GALNT9: variants seen among roughly 807,000 people sequenced by gnomAD.
GALNT9 encodes the protein polypeptide N-acetylgalactosaminyltransferase 9, also known as GalNAc transferase 9.
Under a neutral mutation model 63.1 loss-of-function variants are expected in GALNT9, and 47 were observed. That is an observed-to-expected ratio of 0.75 (90% CI 0.59 to 0.95). GALNT9 has a LOEUF of 0.95. Ranked by LOEUF, GALNT9 falls within the 40% of genes least tolerant of loss-of-function variation. The probability of loss-of-function intolerance (pLI) is 0.00; values close to 1 mark genes in which losing one functional copy is unlikely to be tolerated. For missense variants in GALNT9, 829 were observed against 874.8 expected (o/e 0.95, Z 0.66); for synonymous variants, 396 against 365.7 (o/e 1.08, Z -0.94).
At chr12:132,276,765 A>G (rs971515629) in intron 2 of GALNT9, among the ~76,000 whole-genome samples, 4 of 152,206 alleles carry the variant, frequency 2.6e-5, no homozygotes, top group African/African-American at 9.7e-5. Flanking sequence ...GCTTTGTGGC[A>G]TAATTAAAGC....
At chr12:132,328,623 A>G (rs1009659958) in intron 1 of GALNT9, among the ~76,000 whole-genome samples, 19 of 152,138 alleles carry the variant, frequency 1.2e-4, no homozygotes, top group Non-Finnish European at 2.2e-4. Context: ...GCGCCAAGCC[A>G]GCCCCCCACC....
intron 1 of GALNT9, among the ~76,000 whole-genome samples, chr12:132,298,653 TCCCATAACTAACCCA>T (rs1881166093): frequency 1.5e-5 from 2 of 132,320 alleles, no homozygotes; most frequent in African/African-American, 2.9e-5. Flanking sequence ...GATAACTCAC[TCCCATAACTAACCCA>T]CTCCCACCAC....
At position 132,238,778 on chromosome 12, in the gene GALNT9, G is replaced by A. The variant is rs1358751531; in HGVS notation, c.1077+9132C>T. The stretch of plus-strand genomic sequence containing the variant: ...CCGCCCCCTCATCTGCAGGCCACCC[G>A]CCCAGGGACGTGCTACCATTTACCT... On this transcript the variant is annotated intron_variant, in intron 6 of 10. Transcript: ENST00000328957. This position sits in a 1 kb window ranked among gnomAD's most constrained non-coding sequence, Gnocchi z 6.5. Among the ~76,000 whole-genome samples the A allele has an allele frequency of 1.3e-5, 2 of 152,162 alleles. No homozygotes were observed. Among genetic ancestry groups the A allele is most frequent in the African/African-American group, 2.4e-5 (1 of 41,428 alleles).
chr12:132,241,566 C>T (rs2136901712), intron 6 of GALNT9, among the ~76,000 whole-genome samples: 1 of 105,076 alleles, frequency 9.5e-6, no homozygotes, highest in Non-Finnish European at 2.0e-5. Context: ...ATTACACACA[C>T]ACCACACCCC....
At position 132,218,560 on chromosome 12, in the gene GALNT9, G is replaced by A. The variant is rs532334189; in HGVS notation, c.1078-14870C>T. 4.6e-5 allele frequency among the ~76,000 whole-genome samples: 7 copies of A among 152,338 alleles called. No individual in the cohort carries two copies. In the East Asian group the frequency reaches 5.8e-4, roughly 13 times the overall value. The stretch of plus-strand genomic sequence containing the variant: ...TGCCCCTGGAGCCCAGGTCGGTTTC[G>A]GGAAATGATAATTCCTCTGGTACGG... On this transcript the variant is annotated intron_variant, in intron 6 of 10. Coordinates refer to ENST00000328957, the MANE Select transcript of GALNT9 (RefSeq NM_001122636.2).
In GALNT9 at chr12:132,245,597, C is replaced by A. The variant is rs1164329409; in HGVS notation, c.1077+2313G>T. On this transcript the variant is annotated intron_variant, in intron 6 of 10. Coordinates refer to ENST00000328957, the MANE Select transcript of GALNT9 (RefSeq NM_001122636.2). This position sits in a 1 kb window ranked among gnomAD's most constrained non-coding sequence, Gnocchi z 6.3. ...CGTGGTCCGGCACCCACACCCCCAGCCCAGCCTGCTGACCCTCGCCCAGCC... is the reference window on the plus strand; with the variant it reads ...CGTGGTCCGGCACCCACACCCCCAGACCAGCCTGCTGACCCTCGCCCAGCC... 3.3e-5 allele frequency among the ~76,000 whole-genome samples: 5 copies of A among 151,630 alleles called. No homozygotes were observed. Among genetic ancestry groups the A allele is most frequent in the African/African-American group, 1.2e-4 (5 of 41,166 alleles).
intron 6 of GALNT9, among the ~76,000 whole-genome samples, chr12:132,216,055 G>C (rs1877174458): frequency 6.6e-6 from 1 of 152,128 alleles, no homozygotes; most frequent in African/African-American, 2.4e-5. Flanking sequence ...TCTAATGATA[G>C]ACAGAGACAT....
intron 1 of GALNT9, among the ~76,000 whole-genome samples, chr12:132,318,039 G>A (rs1566023636): frequency 6.6e-6 from 1 of 152,256 alleles, no homozygotes; most frequent in East Asian, 1.9e-4. Flanking sequence ...TCAGGAGTTC[G>A]AGACCAGCCT....
Position 132,316,050 on chromosome 12 carries a change from C to T in GALNT9, c.238+12916G>A, listed in dbSNP as rs782608303. Among the ~76,000 whole-genome samples, 4 of 152,194 alleles carry T rather than the reference C, an allele frequency of 2.6e-5. No homozygotes were observed. Among genetic ancestry groups the T allele is most frequent in the Non-Finnish European group, 5.9e-5 (4 of 68,034 alleles). ...CCCGAAACGGCCGCCCACCCCCTCA[C>T]GCCTGCAGGTCTTGGGTTCCGTCAT... is the stretch of plus-strand genomic sequence containing the variant. On this transcript the variant is annotated intron_variant, in intron 1 of 10. Transcript: ENST00000328957. The surrounding 1 kb of genome is among the most constrained non-coding windows in gnomAD (Gnocchi z 4.3).
At chr12:132,288,530 C>G (rs1223393874) in intron 1 of GALNT9, among the ~76,000 whole-genome samples, 1 of 152,270 alleles carries the variant, frequency 6.6e-6, no homozygotes, top group African/African-American at 2.4e-5. Context: ...GAGAGAGAGA[C>G]ACCTCATCAT....
rs1789411938 is a variant in GALNT9 at position 132,245,294 on chromosome 12, T to C, written c.1077+2616A>G. 6.6e-6 allele frequency among the ~76,000 whole-genome samples: 1 copy of C among 152,014 alleles called. No homozygotes were observed. Among genetic ancestry groups the C allele is most frequent in the South Asian group, 2.1e-4 (1 of 4,822 alleles). On this transcript the variant is annotated intron_variant, in intron 6 of 10. Transcript: ENST00000328957. The surrounding 1 kb of genome is among the most constrained non-coding windows in gnomAD (Gnocchi z 6.3). Reference sequence around the variant, plus strand: ...TCGTCTCTACTAAAAGTACAAAAATTAGCCGGGCATGGTGGCATGTGCCTG... The same window carrying C: ...TCGTCTCTACTAAAAGTACAAAAATCAGCCGGGCATGGTGGCATGTGCCTG...
intron 5 of GALNT9, among the ~76,000 whole-genome samples, chr12:132,255,595 C>A (rs1555238970): frequency 6.6e-6 from 1 of 152,230 alleles, no homozygotes; most frequent in African/African-American, 2.4e-5. Context: ...CCTTTCTATT[C>A]ATACCAGGTC....
intron 2 of GALNT9, among the ~76,000 whole-genome samples, chr12:132,281,284 G>A (rs1004410844): frequency 2.6e-5 from 4 of 152,214 alleles, no homozygotes; most frequent in African/African-American, 7.2e-5. Context: ...GCAGGCACCG[G>A]GGAAGCTCCA....
chr12:132,240,645 G>C (rs2136899047), intron 6 of GALNT9: 9 of 448,970 alleles, frequency 2.0e-5, no homozygotes, highest in African/African-American at 1.2e-4. Flanking sequence ...CCTCGGACCT[G>C]CTCCTCTTCA....
Position 132,282,455 on chromosome 12 carries a change from A to G in GALNT9, c.419+3795T>C, listed in dbSNP as rs1246838939. Among the ~76,000 whole-genome samples the G allele has an allele frequency of 6.6e-6, 1 of 152,126 alleles. No homozygotes were observed. The highest frequency in any genetic ancestry group is 1.9e-4 in the East Asian group (1 of 5,194). On this transcript the variant is annotated intron_variant, in intron 2 of 10. Transcript: ENST00000328957. This position sits in a 1 kb window ranked among gnomAD's most constrained non-coding sequence, Gnocchi z 4.5. ...CGTGCATGCGTGTGTGTGCGTGTGC[A>G]TGTGTGTGTGCACGCATGTGGTAAT...
At chr12:132,254,162 C>T (rs1342336301) in intron 5 of GALNT9, among the ~76,000 whole-genome samples, 5 of 151,918 alleles carry the variant, frequency 3.3e-5, no homozygotes, top group African/African-American at 9.7e-5. Context: ...GTTGGGATTA[C>T]AGGCACCTGA....
chr12:132,284,685 C>T (rs1555242002), intron 2 of GALNT9: 3 of 152,410 alleles, frequency 2.0e-5, no homozygotes, highest in South Asian at 2.1e-4. Flanking sequence ...GGGAAACCCC[C>T]TCCAGGAGGA....
rs1412376631 is a variant in GALNT9, at chr12:132,236,486, T to G, written c.1077+11424A>C. Among the ~76,000 whole-genome samples, 5 of 151,540 alleles carry G rather than the reference T, an allele frequency of 3.3e-5. No individual in the cohort carries two copies. In the East Asian group the frequency reaches 9.8e-4, roughly 30 times the overall value. On this transcript the variant is annotated intron_variant, in intron 6 of 10. Transcript: ENST00000328957. This position sits in a 1 kb window ranked among gnomAD's most constrained non-coding sequence, Gnocchi z 5.6. Reference sequence around the variant, plus strand: ...CTGCCAGGGAGTCAGCTCTGCAAAATCATCACAGACGTGGGGGGATGGCGT... The same window carrying G: ...CTGCCAGGGAGTCAGCTCTGCAAAAGCATCACAGACGTGGGGGGATGGCGT...
At chr12:132,285,847 C>T (rs1484669925) in intron 2 of GALNT9, among the ~76,000 whole-genome samples, 4 of 152,056 alleles carry the variant, frequency 2.6e-5, no homozygotes, top group Admixed American at 1.3e-4. Context: ...TAGAGAAAGA[C>T]AGAGAGAGAT....
Sources: allele counts gnomAD v4.1 joint callset (sites outside exome capture counted in the v4.1 genomes callset), GRCh38; gene constraint gnomAD v4.1.1; non-coding constraint Gnocchi (gnomAD v3.1); transcripts MANE v1.5; gene names NCBI Gene and HGNC (gene_info 2026-07-23, HGNC 2026-07-21).